The following TMEM33 variants were observed in gnomAD, a reference collection of about 807,000 sequenced individuals.
The protein encoded by TMEM33 is transmembrane protein 33.
TMEM33 carries 16 observed loss-of-function variants against 29.7 expected under a neutral mutation model. The ratio of observed to expected loss-of-function variants is 0.54; its 90% confidence interval spans 0.36 to 0.82. The LOEUF (loss-of-function observed/expected upper bound fraction) is 0.82, where lower values mean the gene tolerates loss of function less well. TMEM33 is among the 40% of genes least tolerant of loss of function. The probability of loss-of-function intolerance (pLI) is 0.00; values close to 1 mark genes in which losing one functional copy is unlikely to be tolerated. For synonymous variants in TMEM33, 112 were observed against 109.4 expected (o/e 1.02, Z -0.15); for missense variants, 252 against 295.3 (o/e 0.85, Z 1.08).
intron 5 of TMEM33, 69 bp from the exon 6 acceptor site, chr4:41,949,233 T>C (rs3804186): frequency 0.13 from 134,845 of 1,072,710 alleles, 10,006 homozygotes; most frequent in African/African-American, 0.3. Flanking sequence ...GTTGAATTGC[T>C]TTTAAGTTTT....
intron 1 of TMEM33, among the ~76,000 whole-genome samples, chr4:41,936,685 A>G (rs548940443): frequency 2.6e-5 from 4 of 152,170 alleles, no homozygotes; most frequent in African/African-American, 9.7e-5. Context: ...GCGAGACCCT[A>G]TCTCAGAAAG....
In TMEM33 at chr4:41,954,250, G is replaced by T. The variant is rs186208103; in HGVS notation, c.*51G>T. ...ATAGTATAAGCATTATTAGCAGCTG[G>T]TACTTCTGCTAGGGGTTGTAAATTC... On this transcript the variant is annotated 3_prime_UTR_variant, in exon 7 of 7. Coordinates refer to ENST00000504986, the MANE Select transcript of TMEM33 (RefSeq NM_018126.3). 1.3e-6 allele frequency: 2 copies of T among 1,586,022 alleles called. No homozygotes were observed. The highest frequency in any genetic ancestry group is 1.7e-6 in the Non-Finnish European group (2 of 1,160,808).
upstream of TMEM33, chr4:41,935,288 C>T: frequency 1.5e-6 from 1 of 654,446 alleles, no homozygotes; most frequent in Non-Finnish European, 2.7e-6. Context: ...TGCGGGTGCC[C>T]TGGATCCAGT....
At chr4:41,940,738 G>A (rs1320832236) in intron 3 of TMEM33, among the ~76,000 whole-genome samples, 3 of 150,210 alleles carry the variant, frequency 2.0e-5, no homozygotes, top group African/African-American at 7.4e-5. Context: ...GAACCCTGGA[G>A]TGGAGGTTGC....
At chr4:41,947,772 A>G (rs1712858823) in intron 5 of TMEM33, among the ~76,000 whole-genome samples, 1 of 152,180 alleles carries the variant, frequency 6.6e-6, no homozygotes, top group Admixed American at 6.5e-5. Flanking sequence ...CACACAGTCT[A>G]ATATTAGGAG....
At chr4:41,936,705 A>T (rs1712253460) in intron 1 of TMEM33, among the ~76,000 whole-genome samples, 1 of 152,194 alleles carries the variant, frequency 6.6e-6, no homozygotes, top group South Asian at 2.1e-4. Context: ...GCATGCATTC[A>T]ATTTACTGGC....
At chr4:41,936,256 G>A (rs961305281) in intron 1 of TMEM33, among the ~76,000 whole-genome samples, 1 of 152,156 alleles carries the variant, frequency 6.6e-6, no homozygotes, top group African/African-American at 2.4e-5. Flanking sequence ...AGCATGCATC[G>A]ATGGGCTGGC....
Position 41,957,854 on chromosome 4 carries a change from T to G in TMEM33, c.*3655T>G, listed in dbSNP as rs183886681. 6.6e-6 allele frequency: 1 copy of G among 152,294 alleles called. No individual in the cohort carries two copies. The highest frequency in any genetic ancestry group is 2.4e-5 in the African/African-American group (1 of 41,574). The allele number at this position is 152,294 out of a possible 1,614,324, so 9.4% of individuals were successfully genotyped here. A position where few individuals can be genotyped will look rare whatever the true frequency, so the allele number is the denominator to read the frequency against. On this transcript the variant is annotated 3_prime_UTR_variant, in exon 7 of 7. Coordinates refer to ENST00000504986, the MANE Select transcript of TMEM33 (RefSeq NM_018126.3). Reference sequence around the variant, plus strand: ...TATGTTTATAATCAGTAGGTGGCACTCTTTCCTCAGGTAGCCCCCCATTTT... The same window carrying G: ...TATGTTTATAATCAGTAGGTGGCACGCTTTCCTCAGGTAGCCCCCCATTTT...
At chr4:41,936,410 G>A (rs1029688966) in intron 1 of TMEM33, among the ~76,000 whole-genome samples, 1 of 152,162 alleles carries the variant, frequency 6.6e-6, no homozygotes, top group Admixed American at 6.5e-5. Flanking sequence ...GGGCGTGGTG[G>A]CTCACGCCTG....
At position 41,957,272 on chromosome 4, in the gene TMEM33, T is replaced by TTG. The variant is rs1553911730; in HGVS notation, c.*3074_*3075insGT. 6.6e-6 allele frequency: 1 copy of TTG among 150,856 alleles called. No homozygotes were observed. The highest frequency in any genetic ancestry group is 1.5e-5 in the Non-Finnish European group (1 of 67,648). 9.3% of individuals were successfully genotyped at this position (150,856 alleles called of 1,614,324 possible). ...ATTATGCAATTTGTATTTAGGTTTTTTTTTTTTTTTTTGGAATGAAGTTCA... is the reference window on the plus strand; with the variant it reads ...ATTATGCAATTTGTATTTAGGTTTTTTGTTTTTTTTTTTTGGAATGAAGTTCA... On this transcript the variant is annotated 3_prime_UTR_variant, in exon 7 of 7. Transcript: ENST00000504986.
At position 41,960,348 on chromosome 4, in the gene TMEM33, G is replaced by A. The variant is rs1713420780; in HGVS notation, c.*6149G>A. 6.6e-6 allele frequency: 1 copy of A among 152,134 alleles called. No homozygotes were observed. The highest frequency in any genetic ancestry group is 6.5e-5 in the Admixed American group (1 of 15,274). The allele number at this position is 152,134 out of a possible 1,614,324, so 9.4% of individuals were successfully genotyped here. On this transcript the variant is annotated 3_prime_UTR_variant, in exon 7 of 7. Transcript: ENST00000504986. The stretch of plus-strand genomic sequence containing the variant: ...CAGCAAGAATGATAAATTTGATGGT[G>A]TGAAATTGGAAGTATCAAGGGCTTT...
At chr4:41,952,884 TAGTG>T (rs1355051452) in intron 6 of TMEM33, among the ~76,000 whole-genome samples, 5 of 152,084 alleles carry the variant, frequency 3.3e-5, no homozygotes, top group African/African-American at 9.7e-5. Flanking sequence ...TTTAAGGAAA[TAGTG>T]GGTGAATAAA....
chr4:41,943,635 A>G (rs1712648374), intron 3 of TMEM33, 112 bp from the exon 4 acceptor site: 6 of 911,658 alleles, frequency 6.6e-6, no homozygotes, highest in South Asian at 3.2e-5. Context: ...AAGCCATTCC[A>G]CTGAACTCAT....
Position 41,954,472 on chromosome 4 carries a change from C to A in TMEM33, c.*273C>A. On this transcript the variant is annotated 3_prime_UTR_variant, in exon 7 of 7. Transcript: ENST00000504986. Reference sequence around the variant, plus strand: ...GTTTTTTTAAAAAGATGCTGTTGTGCCTATATCATGAAGTACATTAATTTC... The same window carrying A: ...GTTTTTTTAAAAAGATGCTGTTGTGACTATATCATGAAGTACATTAATTTC... The A allele has an allele frequency of 4.6e-6, 1 of 215,294 alleles. No homozygotes were observed. The highest frequency in any genetic ancestry group is 5.5e-5 in the Admixed American group (1 of 18,100). The allele number at this position is 215,294 out of a possible 1,614,324, so 13.3% of individuals were successfully genotyped here.
In TMEM33 at chr4:41,956,122, TGCAC is replaced by T. The variant is rs1713254738; in HGVS notation, c.*1926_*1929del. On this transcript the variant is annotated 3_prime_UTR_variant, in exon 7 of 7. Transcript: ENST00000504986. ...CCTCCCGAGTAGCTGGGACTACAGG[TGCAC>T]GCCACCACGCCTGTAGTCCCAGCTG... 6.6e-6 allele frequency: 1 copy of T among 152,046 alleles called. No homozygotes were observed. The highest frequency in any genetic ancestry group is 2.4e-5 in the African/African-American group (1 of 41,338). The allele number at this position is 152,046 out of a possible 1,614,324, so 9.4% of individuals were successfully genotyped here.
rs1553910603 is a variant in TMEM33 at position 41,940,046 on chromosome 4, C to CCTTT, written c.328+663_328+664insCTTT. ...TATAGTGAACACTAGGTTAAACTTT[C>CCTTT]TTTTTTTTTTTTTTTTTTTTTTTTG... On this transcript the variant is annotated intron_variant, in intron 3 of 6. Transcript: ENST00000504986. 5.5e-4 allele frequency among the ~76,000 whole-genome samples: 45 copies of CCTTT among 81,348 alleles called. 1 individual carries two copies. Among genetic ancestry groups the CCTTT allele is most frequent in the African/African-American group, 2.3e-3 (41 of 17,902 alleles). The allele number at this position is 81,348 out of a possible 152,430, so 53.4% of individuals were successfully genotyped here.
Position 41,935,448 on chromosome 4 carries a change from C to A in TMEM33, c.-37C>A, listed in dbSNP as rs750149202. On this transcript the variant is annotated 5_prime_UTR_variant, in exon 1 of 7. Transcript: ENST00000504986. ...TTTTCTCTCCCCTTTCTTCTCTCTT[C>A]GCGGTTGCGGCGTCGCAGACGCTAG... The A allele has an allele frequency of 1.9e-6, 3 of 1,590,484 alleles. No individual in the cohort carries two copies. Among genetic ancestry groups the A allele is most frequent in the Non-Finnish European group, 8.6e-7 (1 of 1,167,924 alleles).
intron 4 of TMEM33, 28 bp from the exon 5 acceptor site, chr4:41,944,765 T>C (rs775951051): frequency 1.2e-6 from 2 of 1,609,592 alleles, no homozygotes; most frequent in Admixed American, 3.4e-5. Context: ...CTTCACTTAT[T>C]TCTAATGTTG....
chr4:41,935,187 A>T, upstream of TMEM33: 1 of 532,000 alleles, frequency 1.9e-6, no homozygotes, highest in Non-Finnish European at 3.4e-6. Context: ...TTGGCTCTTT[A>T]GGGCTTCACC....
Sources: allele counts gnomAD v4.1 joint callset (sites outside exome capture counted in the v4.1 genomes callset), GRCh38; gene constraint gnomAD v4.1.1; transcripts MANE v1.5; gene names NCBI Gene and HGNC (gene_info 2026-07-23, HGNC 2026-07-21).